DLEU7: variants seen among roughly 807,000 people sequenced by gnomAD.
DLEU7 encodes the protein leukemia-associated protein 7.
In DLEU7, 17 loss-of-function variants were observed where a neutral mutation model predicts 16.0. That is an observed-to-expected ratio of 1.06 (90% CI 0.73 to 1.59). The LOEUF is 1.59. Ranked by LOEUF, DLEU7 falls within the 40% of genes most tolerant of loss-of-function variation. The probability of loss-of-function intolerance (pLI) is 0.00; values close to 1 mark genes in which losing one functional copy is unlikely to be tolerated. For missense variants in DLEU7, 308 were observed against 314.9 expected (o/e 0.98, Z 0.17); for synonymous variants, 113 against 139.8 (o/e 0.81, Z 1.35).
intron 1 of DLEU7, among the ~76,000 whole-genome samples, chr13:50,759,949 T>TC: frequency 6.6e-6 from 1 of 152,238 alleles, no homozygotes. Flanking sequence ...ATCCTACTAT[T>TC]CCTTGGATAG....
chr13:50,753,350 G>A (rs1593542576), intron 1 of DLEU7, among the ~76,000 whole-genome samples: 1 of 152,352 alleles, frequency 6.6e-6, no homozygotes, highest in East Asian at 1.9e-4. Flanking sequence ...GGGCGCCCTG[G>A]AGCAGGGGGC....
chr13:50,825,309 A>T (rs2137803716), intron 1 of DLEU7, among the ~76,000 whole-genome samples: 1 of 152,304 alleles, frequency 6.6e-6, no homozygotes, highest in African/African-American at 2.4e-5. Flanking sequence ...TTTCATAATA[A>T]ATTGAAGGTG....
rs973851650 is a variant in DLEU7 at position 50,841,992 on chromosome 13, A to G, written c.459+1196T>C. Among the ~76,000 whole-genome samples, 15 of 152,136 alleles carry G rather than the reference A, an allele frequency of 9.9e-5. 1 individual carries two copies. In the East Asian group the frequency reaches 2.7e-3, roughly 27 times the overall value. ...TCTGGAGACATTTTTGGCTGTATCAACTTGCGGCGAGGAATATGCTGCTGG... is the reference window on the plus strand; with the variant it reads ...TCTGGAGACATTTTTGGCTGTATCAGCTTGCGGCGAGGAATATGCTGCTGG... On this transcript the variant is annotated intron_variant, in intron 1 of 1. Transcript: ENST00000504404.
intron 1 of DLEU7, among the ~76,000 whole-genome samples, chr13:50,842,512 T>C (rs1033502776): frequency 1.3e-5 from 2 of 152,198 alleles, no homozygotes; most frequent in Non-Finnish European, 2.9e-5. Flanking sequence ...CCGGGCTAAA[T>C]TGGCTAACAC....
intron 1 of DLEU7, among the ~76,000 whole-genome samples, chr13:50,733,844 C>A (rs1593533049): frequency 6.6e-6 from 1 of 152,194 alleles, no homozygotes; most frequent in African/African-American, 2.4e-5. Flanking sequence ...AGGATAGACT[C>A]ATTTTGCAGA....
intron 1 of DLEU7, among the ~76,000 whole-genome samples, chr13:50,723,674 G>A (rs887353957): frequency 6.6e-6 from 1 of 151,626 alleles, no homozygotes; most frequent in Non-Finnish European, 1.5e-5. Context: ...TTTTATAAGG[G>A]CACTAATCAC....
chr13:50,733,026 G>C (rs146723554), intron 1 of DLEU7, among the ~76,000 whole-genome samples: 1 of 152,130 alleles, frequency 6.6e-6, no homozygotes, highest in Non-Finnish European at 1.5e-5. Context: ...AAACGCACAC[G>C]CATGTATGCG....
At chr13:50,740,558 C>T (rs1044688025) in intron 1 of DLEU7, among the ~76,000 whole-genome samples, 1 of 152,120 alleles carries the variant, frequency 6.6e-6, no homozygotes, top group Non-Finnish European at 1.5e-5. Context: ...TACCATTCCA[C>T]TCAAGACTAC....
At chr13:50,808,127 T>C (rs1849193615) in intron 1 of DLEU7, 7 of 152,196 alleles carry the variant, frequency 4.6e-5, no homozygotes. Context: ...TAGTCCCAGT[T>C]CTTATATGTG....
chr13:50,787,831 C>T (rs1228105493), intron 1 of DLEU7, among the ~76,000 whole-genome samples: 1 of 152,100 alleles, frequency 6.6e-6, no homozygotes, highest in East Asian at 1.9e-4. Context: ...GCCTCACTCT[C>T]CACTCATGTT....
At chr13:50,727,734 C>T (rs542711928) in intron 1 of DLEU7, among the ~76,000 whole-genome samples, 1 of 152,316 alleles carries the variant, frequency 6.6e-6, no homozygotes, top group East Asian at 1.9e-4. Flanking sequence ...CCAAGTTATC[C>T]TCCTGGCTTT....
At chr13:50,771,795 C>A (rs927041101) in intron 1 of DLEU7, among the ~76,000 whole-genome samples, 1 of 152,158 alleles carries the variant, frequency 6.6e-6, no homozygotes, top group African/African-American at 2.4e-5. Flanking sequence ...TGGTGCAGAG[C>A]TGAGTTCAAG....
chr13:50,750,326 T>C (rs1874525525), intron 1 of DLEU7, among the ~76,000 whole-genome samples: 1 of 152,242 alleles, frequency 6.6e-6, no homozygotes, highest in Non-Finnish European at 1.5e-5. Flanking sequence ...CATGCTGTTT[T>C]GGTGACTATA....
chr13:50,788,282 C>A (rs1875851003), intron 1 of DLEU7, among the ~76,000 whole-genome samples: 1 of 152,176 alleles, frequency 6.6e-6, no homozygotes, highest in Non-Finnish European at 1.5e-5. Context: ...TCTCAGGGCT[C>A]ATGGCTGGAC....
At chr13:50,713,840 A>G (rs1157331003) in intron 1 of DLEU7, among the ~76,000 whole-genome samples, 1 of 152,184 alleles carries the variant, frequency 6.6e-6, no homozygotes, top group Non-Finnish European at 1.5e-5. Flanking sequence ...TGGGGACTGT[A>G]AGGAAGTTGT....
At chr13:50,768,224 A>G (rs947994045) in intron 1 of DLEU7, among the ~76,000 whole-genome samples, 2 of 152,108 alleles carry the variant, frequency 1.3e-5, no homozygotes, top group Non-Finnish European at 2.9e-5. Flanking sequence ...ACGTACACAT[A>G]TATACATATA....
intron 1 of DLEU7, among the ~76,000 whole-genome samples, chr13:50,796,883 C>A (rs1469757791): frequency 2.0e-5 from 3 of 152,118 alleles, no homozygotes; most frequent in African/African-American, 7.2e-5. Flanking sequence ...CCCATCTGAC[C>A]TGCACTGAAC....
intron 1 of DLEU7, among the ~76,000 whole-genome samples, chr13:50,751,173 C>A (rs1219374646): frequency 6.6e-6 from 1 of 152,138 alleles, no homozygotes; most frequent in African/African-American, 2.4e-5. Context: ...GCTTTTTCCA[C>A]GTCTATTGAG....
chr13:50,839,197 A>C (rs1487640077), intron 1 of DLEU7, among the ~76,000 whole-genome samples: 3 of 152,278 alleles, frequency 2.0e-5, no homozygotes, highest in Admixed American at 6.5e-5. Flanking sequence ...ATGTAGGAGA[A>C]TAAGTTAGAT....
Sources: gnomAD v4.1 joint callset for allele counts (sites outside exome capture counted in the v4.1 genomes callset) on GRCh38, gnomAD v4.1.1 for gene constraint, MANE v1.5 for transcripts, NCBI Gene and HGNC (gene_info 2026-07-23, HGNC 2026-07-21) for gene names.